Variants in PDS5B observed in about 807,000 individuals in gnomAD.
PDS5B encodes PDS5 cohesin associated factor B.
PDS5B carries 51 observed loss-of-function variants against 184.1 expected under a neutral mutation model. That is an observed-to-expected ratio of 0.28 (90% CI 0.22 to 0.35). PDS5B has a LOEUF of 0.35. PDS5B is among the 10% of genes least tolerant of loss of function. PDS5B has a pLI of 1.00. For missense variants in PDS5B, 1,180 were observed against 1,723.3 expected, an observed-to-expected ratio of 0.68 and a Z score of 5.58; for synonymous variants, 566 against 569.2, an observed-to-expected ratio of 0.99 and a Z score of 0.08.
Position 32,727,363 on chromosome 13 carries a change from A to G in PDS5B, c.2124-4738A>G, listed in dbSNP as rs145812116. Among the ~76,000 whole-genome samples the G allele has an allele frequency of 1.6e-4, 24 of 152,136 alleles. No homozygotes were observed. The East Asian group carries it at 4.6e-3, about 29-fold the overall frequency. On this transcript the variant is annotated intron_variant, in intron 19 of 34. Coordinates refer to ENST00000315596, the MANE Select transcript of PDS5B (RefSeq NM_015032.4). ...GTGTATCTCGAATTAATAATGACAAATTTCTTTTACACACATAATAACCAT... is the reference window on the plus strand; with the variant it reads ...GTGTATCTCGAATTAATAATGACAAGTTTCTTTTACACACATAATAACCAT...
At chr13:32,686,727 G>A (rs1951402631) in intron 11 of PDS5B, among the ~76,000 whole-genome samples, 1 of 152,178 alleles carries the variant, frequency 6.6e-6, no homozygotes, top group Non-Finnish European at 1.5e-5. Context: ...CATGACTTTG[G>A]TGAGCTGTGA....
chr13:32,688,886 A>C, intron 13 of PDS5B: 1 of 301,788 alleles, frequency 3.3e-6, no homozygotes, highest in Admixed American at 4.8e-5. Flanking sequence ...TTAAGGCATT[A>C]GAAACATTCA....
chr13:32,587,000 CCGT>C (rs1175561716), intron 1 of PDS5B, among the ~76,000 whole-genome samples: 4 of 141,296 alleles, frequency 2.8e-5, no homozygotes, highest in African/African-American at 5.3e-5. Context: ...CCCGCCGCCG[CCGT>C]CGCCGCCGCC....
At chr13:32,592,265 T>A (rs1044896625) in intron 1 of PDS5B, among the ~76,000 whole-genome samples, 1 of 152,212 alleles carries the variant, frequency 6.6e-6, no homozygotes, top group East Asian at 1.9e-4. Flanking sequence ...TGGTTTTCTT[T>A]TTTTTTGAGA....
intron 24 of PDS5B, among the ~76,000 whole-genome samples, chr13:32,748,217 C>T (rs1296299628): frequency 6.6e-6 from 1 of 152,130 alleles, no homozygotes; most frequent in Admixed American, 6.5e-5. Context: ...TTTAAACCTC[C>T]AAACCTCAAG....
intron 23 of PDS5B, among the ~76,000 whole-genome samples, chr13:32,744,810 A>G (rs1013916585): frequency 6.6e-6 from 1 of 152,166 alleles, no homozygotes; most frequent in Non-Finnish European, 1.5e-5. Flanking sequence ...TCCAGTCAAT[A>G]TTTTTACATG....
intron 3 of PDS5B, among the ~76,000 whole-genome samples, chr13:32,654,063 C>T (rs1159869393): frequency 6.6e-6 from 1 of 152,138 alleles, no homozygotes; most frequent in Admixed American, 6.5e-5. Context: ...GCATTATTCC[C>T]TAGCTGAAAA....
In PDS5B at chr13:32,603,526, G is replaced by A. The variant is rs1274034569; in HGVS notation, c.-20+16933G>A. Among the ~76,000 whole-genome samples the A allele has an allele frequency of 2.0e-5, 3 of 152,222 alleles. No individual in the cohort carries two copies. In the East Asian group the frequency reaches 5.8e-4, roughly 29 times the overall value. Reference sequence around the variant, plus strand: ...TTGTAGTATAGTTTGAAGTCAGGTAGTGTGATGCCTCCAGCTTTGTTCTTT... The same window carrying A: ...TTGTAGTATAGTTTGAAGTCAGGTAATGTGATGCCTCCAGCTTTGTTCTTT... On this transcript the variant is annotated intron_variant, in intron 1 of 34. Transcript: ENST00000315596.
chr13:32,586,958 G>A (rs1196606952), intron 1 of PDS5B, among the ~76,000 whole-genome samples: 1 of 144,442 alleles, frequency 6.9e-6, no homozygotes, highest in Admixed American at 6.8e-5. Flanking sequence ...GCGCGGGCGG[G>A]GGTCTCGGGG....
chr13:32,681,193 G>A (rs1429383130), intron 10 of PDS5B, among the ~76,000 whole-genome samples: 1 of 152,138 alleles, frequency 6.6e-6, no homozygotes, highest in Non-Finnish European at 1.5e-5. Flanking sequence ...ATGAGGGCTT[G>A]CGGTATCTCA....
intron 19 of PDS5B, among the ~76,000 whole-genome samples, chr13:32,716,172 G>A (rs1466655040): frequency 1.6e-5 from 1 of 60,888 alleles, no homozygotes; most frequent in Non-Finnish European, 3.3e-5. Flanking sequence ...TCTGGATAGT[G>A]AGGAGCGTCT....
At chr13:32,616,426 C>T (rs1158552932) in intron 1 of PDS5B, among the ~76,000 whole-genome samples, 2 of 151,946 alleles carry the variant, frequency 1.3e-5, no homozygotes, top group East Asian at 3.9e-4. Flanking sequence ...ACTATTTTGC[C>T]TTTTCAATTT....
At chr13:32,626,521 A>G (rs2140555479) in intron 1 of PDS5B, among the ~76,000 whole-genome samples, 1 of 152,156 alleles carries the variant, frequency 6.6e-6, no homozygotes, top group Non-Finnish European at 1.5e-5. Context: ...GTCAGTCTTT[A>G]GTTTTGCCTC....
intron 1 of PDS5B, among the ~76,000 whole-genome samples, chr13:32,592,080 T>C (rs1184832817): frequency 6.6e-6 from 1 of 151,978 alleles, no homozygotes; most frequent in African/African-American, 2.4e-5. Context: ...TTGTATAGAG[T>C]CAACCCCACC....
At chr13:32,748,464 C>CTT (rs370828607) in intron 24 of PDS5B, among the ~76,000 whole-genome samples, 96 of 141,840 alleles carry the variant, frequency 6.8e-4, no homozygotes, top group Admixed American at 7.0e-4. Context: ...GGCTCTTCCT[C>CTT]TTTTTTTTTT....
intron 28 of PDS5B, 85 bp downstream of exon 28, chr13:32,758,738 GA>G: frequency 7.4e-7 from 1 of 1,342,324 alleles, no homozygotes. Flanking sequence ...AAGGATCATG[GA>G]AAAATTGCTG....
chr13:32,748,122 C>T (rs912966912), intron 24 of PDS5B, among the ~76,000 whole-genome samples: 1 of 152,218 alleles, frequency 6.6e-6, no homozygotes, highest in Non-Finnish European at 1.5e-5. Flanking sequence ...CTTCTCACAA[C>T]TTAGAAACAT....
chr13:32,669,520 A>C (rs1950880913), intron 7 of PDS5B, among the ~76,000 whole-genome samples: 2 of 152,192 alleles, frequency 1.3e-5, no homozygotes, highest in African/African-American at 2.4e-5. Context: ...GAAAATGTTT[A>C]TAATGGAAGT....
At chr13:32,746,678 A>G (rs974903069) in intron 24 of PDS5B, among the ~76,000 whole-genome samples, 15 of 152,142 alleles carry the variant, frequency 9.9e-5, no homozygotes, top group Non-Finnish European at 1.8e-4. Context: ...AAAAACATCA[A>G]CCACAAAACT....
Sources: allele counts gnomAD v4.1 joint callset (sites outside exome capture counted in the v4.1 genomes callset), GRCh38; gene constraint gnomAD v4.1.1; transcripts MANE v1.5; gene names NCBI Gene and HGNC (gene_info 2026-07-23, HGNC 2026-07-21).